Variants in TSG101 observed in about 807,000 individuals in gnomAD.
TSG101 encodes the protein tumor susceptibility 101.
A neutral mutation model predicts 48.5 loss-of-function variants in TSG101; 19 were observed. The observed-to-expected ratio is 0.39, with a 90% CI of 0.27 to 0.58. The LOEUF (loss-of-function observed/expected upper bound fraction) is 0.58. TSG101 is among the 20% of genes least tolerant of loss of function. The pLI, the probability that TSG101 is intolerant of heterozygous loss-of-function variation, is 0.55. For synonymous variants in TSG101, 174 were observed against 169.4 expected (o/e 1.03, Z -0.21); for missense variants, 365 against 484.4 (o/e 0.75, Z 2.31).
chr11:18,499,381 AATATATATATAT>A (rs1229188041), intron 7 of TSG101, among the ~76,000 whole-genome samples: 33 of 12,290 alleles, frequency 2.7e-3, no homozygotes, highest in Admixed American at 4.7e-3. Context: ...TTTATATTTA[AATATATATATAT>A]ATATATATAT....
chr11:18,520,703 T>C (rs900966406), intron 1 of TSG101, among the ~76,000 whole-genome samples: 13 of 152,224 alleles, frequency 8.5e-5, no homozygotes, highest in Non-Finnish European at 1.0e-4. Context: ...TATATGTTTC[T>C]GTGAGTTAGT....
chr11:18,521,300 C>A (rs1434194327), intron 1 of TSG101, among the ~76,000 whole-genome samples: 1 of 149,292 alleles, frequency 6.7e-6, no homozygotes, highest in African/African-American at 2.5e-5. Flanking sequence ...CTTTGTCTTA[C>A]TTCACCTGTC....
In TSG101 at chr11:18,526,793, G is replaced by T. The variant is rs1850383857; in HGVS notation, c.24C>A (p.Leu8=). MAVSESQ[L]KKMVSKYKYR... ...GCCTCACCTTGGACACCATTTTCTT[G>T]AGCTGGCTCTCCGACACCGCCATGA... is the stretch of plus-strand genomic sequence containing the variant. The change falls in exon 1 of 10, where the codon CTC becomes CTA. Residue 8 remains leucine, a synonymous_variant. Transcript: ENST00000251968. The T allele has an allele frequency of 6.2e-7, 1 of 1,603,190 alleles. No individual in the cohort carries two copies.
intron 7 of TSG101, among the ~76,000 whole-genome samples, chr11:18,501,770 T>A (rs183524432): frequency 6.6e-6 from 1 of 152,246 alleles, no homozygotes; most frequent in Non-Finnish European, 1.5e-5. Flanking sequence ...TTTGTCTCAA[T>A]TGGACTCTTT....
chr11:18,524,703 CCT>C (rs1176242390), intron 1 of TSG101, among the ~76,000 whole-genome samples: 4 of 152,222 alleles, frequency 2.6e-5, no homozygotes, highest in South Asian at 2.1e-4. Flanking sequence ...CTCTTCCCTA[CCT>C]CTGTTTTTGT....
chr11:18,497,069 C>T (rs1423569552), intron 7 of TSG101, among the ~76,000 whole-genome samples: 4 of 152,000 alleles, frequency 2.6e-5, no homozygotes, highest in African/African-American at 9.7e-5. Context: ...CCAGCCTTGG[C>T]GACAGAGCGA....
At chr11:18,514,557 A>T in intron 4 of TSG101, 121 bp downstream of exon 4, 1 of 666,598 alleles carries the variant, frequency 1.5e-6, no homozygotes, top group Non-Finnish European at 2.2e-6. Context: ...CTCAGTGATT[A>T]GTCCATTATC....
At chr11:18,502,400 CA>C in intron 7 of TSG101, 85 bp downstream of exon 7, 2 of 1,097,574 alleles carry the variant, frequency 1.8e-6, no homozygotes, top group South Asian at 1.6e-5. Flanking sequence ...AAGAGTAGTC[CA>C]AAATTCACAA....
chr11:18,502,453 T>C (rs1849903367), intron 7 of TSG101, 33 bp downstream of exon 7: 2 of 1,568,650 alleles, frequency 1.3e-6, no homozygotes, highest in South Asian at 1.1e-5. Flanking sequence ...ACTTTGCTTA[T>C]ATGGTGAAAC....
At chr11:18,516,022 T>A (rs562639966) in intron 3 of TSG101, 77 bp downstream of exon 3, 2 of 1,294,744 alleles carry the variant, frequency 1.5e-6, no homozygotes, top group East Asian at 2.4e-5. Flanking sequence ...TAGGTTTAAT[T>A]TGGTTATAAC....
intron 1 of TSG101, among the ~76,000 whole-genome samples, chr11:18,520,443 T>C (rs909774069): frequency 2.0e-5 from 3 of 152,186 alleles, no homozygotes; most frequent in Non-Finnish European, 4.4e-5. Flanking sequence ...CAGGCTGGTC[T>C]CCAACTCCTG....
At chr11:18,497,897 C>T (rs904433309) in intron 7 of TSG101, among the ~76,000 whole-genome samples, 3 of 152,134 alleles carry the variant, frequency 2.0e-5, no homozygotes, top group Admixed American at 2.0e-4. Context: ...GTGGAAATAA[C>T]CCTTTATGGG....
intron 1 of TSG101, 101 bp downstream of exon 1, chr11:18,526,674 G>T: frequency 2.1e-6 from 3 of 1,422,562 alleles, no homozygotes; most frequent in Non-Finnish European, 2.8e-6. Context: ...GGGGCTTCCG[G>T]CCCGTCTGGG....
At chr11:18,524,238 T>A (rs1850329001) in intron 1 of TSG101, among the ~76,000 whole-genome samples, 1 of 152,252 alleles carries the variant, frequency 6.6e-6, no homozygotes, top group South Asian at 2.1e-4. Flanking sequence ...CTGGTATAAA[T>A]ATATCTGTTA....
intron 1 of TSG101, among the ~76,000 whole-genome samples, chr11:18,525,928 C>T (rs1169998666): frequency 6.6e-6 from 1 of 152,188 alleles, no homozygotes; most frequent in East Asian, 1.9e-4. Flanking sequence ...CCGCTGATTG[C>T]TACCATTCTT....
chr11:18,497,849 C>T (rs1849807922), intron 7 of TSG101, among the ~76,000 whole-genome samples: 1 of 152,070 alleles, frequency 6.6e-6, no homozygotes, highest in African/African-American at 2.4e-5. Context: ...AAAACCACAC[C>T]ACTGGAACCT....
At chr11:18,526,343 C>A (rs1012035950) in intron 1 of TSG101, among the ~76,000 whole-genome samples, 2 of 152,252 alleles carry the variant, frequency 1.3e-5, no homozygotes, top group Non-Finnish European at 2.9e-5. Context: ...GCCACACTCT[C>A]TGCGGGTCGG....
At chr11:18,490,418 G>C in intron 7 of TSG101, 2 of 581,816 alleles carry the variant, frequency 3.4e-6, no homozygotes, top group South Asian at 2.9e-5. Flanking sequence ...TTTCAGTAGA[G>C]TTTAGAATCT....
chr11:18,489,383 C>T (rs1328929405), intron 7 of TSG101, among the ~76,000 whole-genome samples: 1 of 152,158 alleles, frequency 6.6e-6, no homozygotes, highest in African/African-American at 2.4e-5. Flanking sequence ...TATATGCCTA[C>T]ACCACCATGC....
Sources: allele counts gnomAD v4.1 joint callset (sites outside exome capture counted in the v4.1 genomes callset), GRCh38; gene constraint gnomAD v4.1.1; transcripts MANE v1.5; gene names NCBI Gene and HGNC (gene_info 2026-07-23, HGNC 2026-07-21).